Variants in CNTNAP2 observed in about 807,000 individuals in gnomAD.
CNTNAP2 encodes the protein contactin-associated protein-like 2.
Under a neutral mutation model 155.2 loss-of-function variants are expected in CNTNAP2, and 98 were observed. That is an observed-to-expected ratio of 0.63 (90% CI 0.54 to 0.75). The LOEUF (loss-of-function observed/expected upper bound fraction) is 0.75. CNTNAP2 is among the 30% of genes least tolerant of loss of function. CNTNAP2 has a pLI of 0.00. For synonymous variants in CNTNAP2, 651 were observed against 631.2 expected, an observed-to-expected ratio of 1.03 and a Z score of -0.47; for missense variants, 1,727 against 1,688.1, an observed-to-expected ratio of 1.02 and a Z score of -0.40.
chr7:147,595,979 T>C (rs569052727), intron 12 of CNTNAP2, among the ~76,000 whole-genome samples: 1 of 152,366 alleles, frequency 6.6e-6, no homozygotes, highest in East Asian at 1.9e-4. Context: ...ATTTTTTGTT[T>C]TTTTTGGCAG....
chr7:148,147,808 T>C (rs2116653093), intron 17 of CNTNAP2, 99 bp downstream of exon 17: 2 of 1,208,192 alleles, frequency 1.7e-6, no homozygotes, highest in Non-Finnish European at 2.4e-6. Flanking sequence ...AGGTTTGATA[T>C]AGAGATCCTT....
intron 13 of CNTNAP2, among the ~76,000 whole-genome samples, chr7:147,736,232 C>G (rs1377576400): frequency 6.6e-6 from 1 of 151,838 alleles, no homozygotes; most frequent in Non-Finnish European, 1.5e-5. Context: ...GACAAAATCT[C>G]TCAGCATTTG....
rs928291864 is a variant in CNTNAP2, at chr7:148,417,443, C to T, written c.*1827C>T. On this transcript the variant is annotated 3_prime_UTR_variant, in exon 24 of 24. Transcript: ENST00000361727. The stretch of plus-strand genomic sequence containing the variant: ...AAAAGGGAATCCTGATGCCCTTTTA[C>T]CATTGCTGGTTGAGCTCAGGCACTG... 3.9e-5 allele frequency: 6 copies of T among 152,602 alleles called. No homozygotes were observed. The highest frequency in any genetic ancestry group is 1.2e-4 in the African/African-American group (5 of 41,426). The allele number at this position is 152,602 out of a possible 1,614,324, so 9.5% of individuals were successfully genotyped here. A position where few individuals can be genotyped will look rare whatever the true frequency, so the allele number is the denominator to read the frequency against.
chr7:147,333,699 T>C (rs1795616744), intron 9 of CNTNAP2, among the ~76,000 whole-genome samples: 2 of 152,184 alleles, frequency 1.3e-5, no homozygotes, highest in South Asian at 4.1e-4. Context: ...GGTTAATAGA[T>C]TTATCCTAGT....
intron 3 of CNTNAP2, among the ~76,000 whole-genome samples, chr7:146,842,288 T>C (rs1425583993): frequency 6.6e-6 from 1 of 152,152 alleles, no homozygotes; most frequent in African/African-American, 2.4e-5. Flanking sequence ...CTGGGTCTAC[T>C]TATAGGGCTC....
chr7:147,217,860 T>G (rs1438164584), intron 8 of CNTNAP2, among the ~76,000 whole-genome samples: 1 of 152,052 alleles, frequency 6.6e-6, no homozygotes, highest in Non-Finnish European at 1.5e-5. Flanking sequence ...CTATTTTTGC[T>G]TTTATTAGAT....
At chr7:146,723,679 A>G (rs911622070) in intron 1 of CNTNAP2, among the ~76,000 whole-genome samples, 4 of 152,212 alleles carry the variant, frequency 2.6e-5, no homozygotes, top group African/African-American at 9.6e-5. Context: ...TGGTCAATGC[A>G]GTTCAATCAG....
intron 14 of CNTNAP2, among the ~76,000 whole-genome samples, chr7:147,925,205 A>AGGAAGGAAGGAAGGAAGGAAGGAG (rs1491108932): frequency 7.6e-6 from 1 of 132,188 alleles, no homozygotes; most frequent in African/African-American, 2.8e-5. Context: ...GAAGGAAGGA[A>AGGAAGGAAGGAAGGAAGGAAGGAG]GGAAAGAAGG....
chr7:147,687,904 A>C (rs1584900426), intron 13 of CNTNAP2, among the ~76,000 whole-genome samples: 1 of 147,580 alleles, frequency 6.8e-6, no homozygotes, highest in African/African-American at 2.4e-5. Flanking sequence ...ACAGTATAGC[A>C]TCTTCCATTT....
At chr7:147,153,988 T>C (rs117164401) in intron 8 of CNTNAP2, among the ~76,000 whole-genome samples, 1,901 of 152,106 alleles carry the variant, frequency 0.012, 12 homozygotes, top group Admixed American at 0.019. Flanking sequence ...CTAGGAGCTG[T>C]CAAGGATTGC....
At chr7:147,305,689 T>C (rs1261105312) in intron 9 of CNTNAP2, among the ~76,000 whole-genome samples, 1 of 152,174 alleles carries the variant, frequency 6.6e-6, no homozygotes, top group Non-Finnish European at 1.5e-5. Flanking sequence ...AGTGTGCAAA[T>C]TGAATCCTAA....
chr7:146,251,692 A>C (rs554034380), intron 1 of CNTNAP2, among the ~76,000 whole-genome samples: 16 of 152,330 alleles, frequency 1.1e-4, no homozygotes, highest in African/African-American at 3.6e-4. Flanking sequence ...AATTTAGGCT[A>C]TAGGGGCCAC....
chr7:146,730,349 T>C (rs1314621972), intron 1 of CNTNAP2, among the ~76,000 whole-genome samples: 1 of 152,066 alleles, frequency 6.6e-6, no homozygotes, highest in Admixed American at 6.5e-5. Context: ...CTCCTTGTTT[T>C]CCCATAGATT....
At position 146,323,608 on chromosome 7, in the gene CNTNAP2, A is replaced by G. The variant is rs533960154; in HGVS notation, c.97+206635A>G. 4.8e-3 allele frequency among the ~76,000 whole-genome samples: 738 copies of G among 152,268 alleles called. 8 individuals carry two copies. The highest frequency in any genetic ancestry group is 0.017 in the African/African-American group (708 of 41,554). On this transcript the variant is annotated intron_variant, in intron 1 of 23. Transcript: ENST00000361727. ...AATAAATTCATAAAATAGGTACACA[A>G]TATTATCCATAATATGGATCTATGA...
intron 8 of CNTNAP2, among the ~76,000 whole-genome samples, chr7:147,166,961 C>T (rs2116466861): frequency 6.6e-6 from 1 of 152,176 alleles, no homozygotes; most frequent in East Asian, 1.9e-4. Context: ...ATTGTTTGCC[C>T]AGTTTTTAAA....
intron 17 of CNTNAP2, among the ~76,000 whole-genome samples, chr7:148,158,468 G>C (rs1283583608): frequency 6.6e-6 from 1 of 152,046 alleles, no homozygotes; most frequent in Non-Finnish European, 1.5e-5. Context: ...TGATCCGCTG[G>C]CCTCAGCTTC....
At chr7:146,132,685 G>C (rs889943130) in intron 1 of CNTNAP2, among the ~76,000 whole-genome samples, 1 of 151,406 alleles carries the variant, frequency 6.6e-6, no homozygotes, top group Non-Finnish European at 1.5e-5. Flanking sequence ...TTGTTCTTGC[G>C]ATAGTTTACT....
intron 1 of CNTNAP2, among the ~76,000 whole-genome samples, chr7:146,554,507 C>T (rs1010963756): frequency 1.3e-5 from 2 of 152,180 alleles, no homozygotes; most frequent in Non-Finnish European, 2.9e-5. Flanking sequence ...CTTTCCTCTA[C>T]AAATTCCTCA....
At chr7:147,176,114 G>A (rs892003177) in intron 8 of CNTNAP2, among the ~76,000 whole-genome samples, 1 of 152,190 alleles carries the variant, frequency 6.6e-6, no homozygotes, top group Non-Finnish European at 1.5e-5. Flanking sequence ...CCTGAAAGGA[G>A]CCTCTCACCT....
Sources: allele counts gnomAD v4.1 joint callset (sites outside exome capture counted in the v4.1 genomes callset), GRCh38; gene constraint gnomAD v4.1.1; transcripts MANE v1.5; gene names NCBI Gene and HGNC (gene_info 2026-07-23, HGNC 2026-07-21).